Variants in CFAP52 observed in about 807,000 individuals in gnomAD.
The protein encoded by CFAP52 is cilia- and flagella-associated protein 52.
CFAP52 carries 57 observed loss-of-function variants against 70.5 expected under a neutral mutation model. The observed-to-expected ratio is 0.81, with a 90% CI of 0.65 to 1.01. The LOEUF is 1.01. CFAP52 is among the 50% of genes least tolerant of loss of function. CFAP52 has a pLI of 0.00. For missense variants in CFAP52, 785 were observed against 788.5 expected, an observed-to-expected ratio of 1.00 and a Z score of 0.05; for synonymous variants, 267 against 292.5, an observed-to-expected ratio of 0.91 and a Z score of 0.89.
intron 1 of CFAP52, among the ~76,000 whole-genome samples, chr17:9,579,509 A>T (rs377300892): frequency 2.6e-5 from 4 of 152,342 alleles, no homozygotes; most frequent in South Asian, 4.1e-4. Flanking sequence ...AATTAGAAAC[A>T]AAAGCAAGGC....
downstream of CFAP52, chr17:9,645,467 C>T (rs554803678): frequency 6.1e-4 from 354 of 579,270 alleles, no homozygotes; most frequent in African/African-American, 6.6e-3. The surrounding 1 kb of genome is among the most constrained non-coding windows in gnomAD (Gnocchi z 6.8). Context: ...CGGATTCCCG[C>T]GCGGGGCGGG....
chr17:9,606,793 G>A (rs145103496), intron 6 of CFAP52, among the ~76,000 whole-genome samples: 6 of 152,302 alleles, frequency 3.9e-5, no homozygotes, highest in African/African-American at 1.4e-4. Context: ...CTCATAGGCT[G>A]AGCCTTCATC....
intron 11 of CFAP52, among the ~76,000 whole-genome samples, chr17:9,636,255 A>AAGAAAGAGAG (rs1910800635): frequency 6.9e-6 from 1 of 144,172 alleles, no homozygotes; most frequent in Non-Finnish European, 1.5e-5. Context: ...AAGAAAGAGA[A>AAGAAAGAGAG]AGAAAAATAA....
At chr17:9,579,323 T>C (rs922236925) in intron 1 of CFAP52, among the ~76,000 whole-genome samples, 2 of 151,850 alleles carry the variant, frequency 1.3e-5, no homozygotes. Context: ...GTTACAGCAA[T>C]AGCGGGGGGC....
At position 9,643,142 on chromosome 17, in the gene CFAP52, G is replaced by C. The variant is rs777210226; in HGVS notation, c.1807G>C (p.Val603Leu). The part of the protein sequence containing the change: ...IRISPGNQYI[V>L]SVSADGAILR... ...CATAAGTCCAGGAAATCAATATATT[G>C]TTAGTGTAAGTGCCGATGGAGCCAT... Residue 603 changes from valine to leucine, a missense_variant, in exon 14 of 14, where the codon GTT becomes CTT. Val to Leu is a conservative substitution (Grantham distance 32). Transcript: ENST00000352665. 1 of 1,613,398 alleles carries C rather than the reference G, an allele frequency of 6.2e-7. No homozygotes were observed. The highest frequency in any genetic ancestry group is 8.5e-7 in the Non-Finnish European group (1 of 1,179,738).
intron 1 of CFAP52, among the ~76,000 whole-genome samples, chr17:9,578,418 G>T (rs2151923515): frequency 6.6e-6 from 1 of 152,272 alleles, no homozygotes; most frequent in Non-Finnish European, 1.5e-5. Flanking sequence ...TTGTTCTTAT[G>T]GCGGGTTGAA....
At chr17:9,584,738 C>T (rs1408607251) in intron 1 of CFAP52, among the ~76,000 whole-genome samples, 2 of 152,028 alleles carry the variant, frequency 1.3e-5, no homozygotes, top group African/African-American at 2.4e-5. Flanking sequence ...TCTCCTGCCT[C>T]AGCCTCCCGA....
At chr17:9,598,842 C>T (rs2151935692) in intron 5 of CFAP52, among the ~76,000 whole-genome samples, 1 of 151,910 alleles carries the variant, frequency 6.6e-6, no homozygotes, top group East Asian at 1.9e-4. Flanking sequence ...AGACACAGCA[C>T]AGGTAAACCT....
At chr17:9,616,038 G>C (rs950634716) in intron 8 of CFAP52, among the ~76,000 whole-genome samples, 1 of 151,304 alleles carries the variant, frequency 6.6e-6, no homozygotes, top group Admixed American at 6.6e-5. Flanking sequence ...ACAGCTCCCA[G>C]CGTGAGCGAC....
At chr17:9,594,122 A>G in intron 3 of CFAP52, 71 bp from the exon 4 acceptor site, 1 of 1,503,130 alleles carries the variant, frequency 6.7e-7, no homozygotes, top group Non-Finnish European at 8.9e-7. Flanking sequence ...AACCACTAAG[A>G]TGGTTGTTTC....
intron 9 of CFAP52, among the ~76,000 whole-genome samples, chr17:9,629,419 C>G (rs1910360538): frequency 6.6e-6 from 1 of 152,132 alleles, no homozygotes; most frequent in African/African-American, 2.4e-5. Context: ...TCTTTAGGGA[C>G]AGCTATTAAA....
chr17:9,640,642 G>GT lies in CFAP52; in HGVS notation c.1576-1074dup, dbSNP rs540134275. ...TGCCACATTTTCTTAAGTTTATTCT[G>GT]TTTTTTTTGGAGACAGAGTCTCACT... On this transcript the variant is annotated intron_variant, in intron 12 of 13. Coordinates refer to ENST00000352665, the MANE Select transcript of CFAP52 (RefSeq NM_145054.5). 2.5e-3 allele frequency among the ~76,000 whole-genome samples: 380 copies of GT among 151,690 alleles called. 3 individuals carry two copies. The highest frequency in any genetic ancestry group is 3.4e-3 in the Admixed American group (52 of 15,182).
intron 5 of CFAP52, 87 bp downstream of exon 5, chr17:9,598,420 G>T: frequency 2.6e-6 from 3 of 1,135,864 alleles, no homozygotes; most frequent in Non-Finnish European, 3.9e-6. Flanking sequence ...GTGTACATGG[G>T]GCTGGGGATA....
chr17:9,635,104 G>A (rs554177433), intron 10 of CFAP52, among the ~76,000 whole-genome samples: 25 of 152,216 alleles, frequency 1.6e-4, no homozygotes, highest in Non-Finnish European at 3.1e-4. Context: ...TTGGTTTTGC[G>A]TTGGCCCTTG....
chr17:9,612,401 G>A lies in CFAP52; in HGVS notation c.947G>A (p.Arg316His), dbSNP rs1056801078. The A allele has an allele frequency of 4.3e-6, 7 of 1,614,176 alleles. No individual in the cohort carries two copies. Among genetic ancestry groups the A allele is most frequent in the East Asian group, 2.2e-5 (1 of 44,880 alleles). The change falls in exon 8 of 14, where the codon CGT becomes CAT. Residue 316 changes from arginine to histidine, a missense_variant. Physicochemically the swap from Arg to His is conservative, Grantham distance 29. Coordinates refer to ENST00000352665, the MANE Select transcript of CFAP52 (RefSeq NM_145054.5). ...GGAACAGAAGAATCGCACATTTATC[G>A]TGTCAGCTTCACGGATTTCAAAGAG... is the stretch of plus-strand genomic sequence containing the variant. ...LVGTEESHIYRVSFTDFKETL... is the reference protein window; with the variant it reads ...LVGTEESHIYHVSFTDFKETL...
At chr17:9,601,581 A>G (rs966126994) in intron 6 of CFAP52, among the ~76,000 whole-genome samples, 2 of 152,178 alleles carry the variant, frequency 1.3e-5, no homozygotes, top group African/African-American at 4.8e-5. Flanking sequence ...TACTTTACTA[A>G]CTAGATCTTA....
intron 11 of CFAP52, among the ~76,000 whole-genome samples, chr17:9,636,953 G>A (rs1407038603): frequency 6.6e-6 from 1 of 152,166 alleles, no homozygotes; most frequent in Non-Finnish European, 1.5e-5. Context: ...GCTGAGGCAG[G>A]AGAATCGCTT....
rs1251413001 is a variant in CFAP52, at chr17:9,589,561, C to T, written c.407+2727C>T. Reference sequence around the variant, plus strand: ...CAGCCTAGCCAACATGGCGAGACCCCATCTCTACTAAAAATACAAAAATTA... The same window carrying T: ...CAGCCTAGCCAACATGGCGAGACCCTATCTCTACTAAAAATACAAAAATTA... On this transcript the variant is annotated intron_variant, in intron 3 of 13. Coordinates refer to ENST00000352665, the MANE Select transcript of CFAP52 (RefSeq NM_145054.5). Among the ~76,000 whole-genome samples, 5 of 151,928 alleles carry T rather than the reference C, an allele frequency of 3.3e-5. No homozygotes were observed. In the East Asian group the frequency reaches 7.7e-4, roughly 24 times the overall value.
chr17:9,622,569 AGAAGAT>A (rs1455081756), intron 8 of CFAP52, among the ~76,000 whole-genome samples: 22 of 151,908 alleles, frequency 1.4e-4, no homozygotes, highest in South Asian at 8.3e-4. Flanking sequence ...AAGAAGAAGA[AGAAGAT>A]GATGATGATG....
Sources: allele counts gnomAD v4.1 joint callset (sites outside exome capture counted in the v4.1 genomes callset), GRCh38; gene constraint gnomAD v4.1.1; non-coding constraint Gnocchi (gnomAD v3.1); transcripts MANE v1.5; gene names NCBI Gene and HGNC (gene_info 2026-07-23, HGNC 2026-07-21).